The following ACAN variants were observed in gnomAD, a reference collection of about 807,000 sequenced individuals.
ACAN encodes aggrecan.
A neutral mutation model predicts 169.1 loss-of-function variants in ACAN; 47 were observed. That is an observed-to-expected ratio of 0.28 (90% confidence interval 0.22 to 0.35). The LOEUF (loss-of-function observed/expected upper bound fraction) is 0.35, where lower values mean the gene tolerates loss of function less well. Ranked by LOEUF, ACAN falls within the 10% of genes least tolerant of loss-of-function variation. ACAN has a pLI of 1.00. For missense variants in ACAN, 2,716 were observed against 2,759.9 expected (o/e 0.98, Z 0.36); for synonymous variants, 1,115 against 1,112.2 (o/e 1.00, Z -0.05).
chr15:88,874,514 G>GC lies in ACAN; in HGVS notation c.*36dup. 1 of 1,557,328 alleles carries GC rather than the reference G, an allele frequency of 6.4e-7. No homozygotes were observed. On this transcript the variant is annotated 3_prime_UTR_variant, in exon 19 of 19. Coordinates refer to ENST00000560601, the MANE Select transcript of ACAN (RefSeq NM_001369268.1). The surrounding 1 kb of genome is among the most constrained non-coding windows in gnomAD (Gnocchi z 7.3). ...TTCCAGGACGCACCCAGGACGCTGA[G>GC]CCCAGGAGCCTGCCAGGCTGACGTG...
chr15:88,840,131 T>C lies in ACAN; in HGVS notation c.574T>C (p.Tyr192His). ...CACGCCTGAGCAGCTGCAGGCCGCCTACGAAGACGGCTTCCACCAGTGTGA... is the reference window on the plus strand; with the variant it reads ...CACGCCTGAGCAGCTGCAGGCCGCCCACGAAGACGGCTTCCACCAGTGTGA... Reference protein sequence around the residue: ...IATPEQLQAAYEDGFHQCDAG... With the variant: ...IATPEQLQAAHEDGFHQCDAG... The change falls in exon 4 of 19, where the codon TAC becomes CAC. Residue 192 changes from tyrosine (Y) to histidine (H), a missense_variant. Physicochemically the swap from Tyr to His is moderately conservative, Grantham distance 83. Coordinates refer to ENST00000560601, the MANE Select transcript of ACAN (RefSeq NM_001369268.1). The C allele has an allele frequency of 6.2e-7, 1 of 1,606,032 alleles. No individual in the cohort carries two copies.
At chr15:88,833,971 G>C (rs752776946) in intron 1 of ACAN, among the ~76,000 whole-genome samples, 5 of 152,186 alleles carry the variant, frequency 3.3e-5, no homozygotes, top group Non-Finnish European at 7.3e-5. Context: ...GCTCTGGGAA[G>C]AGAGGAGCCG....
Position 88,841,619 on chromosome 15 carries a change from G to T in ACAN, c.630-121G>T. 7.8e-6 allele frequency: 10 copies of T among 1,288,526 alleles called. No homozygotes were observed. The South Asian group carries it at 1.4e-4, about 18-fold the overall frequency. 79.8% of individuals were successfully genotyped at this position (1,288,526 alleles called of 1,614,324 possible). On this transcript the variant is annotated intron_variant, in intron 4 of 18. Transcript: ENST00000560601. ...ATAGGCAGTTGACATATTCAGAAGA[G>T]ACATTGTCAAATGCAATATTAAGTT...
chr15:88,831,890 A>C (rs1480264251), intron 1 of ACAN, among the ~76,000 whole-genome samples: 1 of 152,218 alleles, frequency 6.6e-6, no homozygotes, highest in Non-Finnish European at 1.5e-5. Context: ...TCCATGGAGG[A>C]ACAGCAGGCA....
chr15:88,817,581 C>T (rs576800953), intron 1 of ACAN, among the ~76,000 whole-genome samples: 53 of 149,550 alleles, frequency 3.5e-4, no homozygotes, highest in South Asian at 3.1e-3. Context: ...TGGCCAGGCA[C>T]GGTGGCTTAT....
In ACAN at chr15:88,849,909, C is replaced by T. The variant is rs758795049; in HGVS notation, c.2026+178C>T. ...GCAGGCTTTGACCCCAAGGCAAGGTCATCCTTCTAAAGTTCCCCAGAGACA... is the reference window on the plus strand; with the variant it reads ...GCAGGCTTTGACCCCAAGGCAAGGTTATCCTTCTAAAGTTCCCCAGAGACA... On this transcript the variant is annotated intron_variant, in intron 10 of 18. Transcript: ENST00000560601. This position sits in a 1 kb window ranked among gnomAD's most constrained non-coding sequence, Gnocchi z 5.1. The T allele has an allele frequency of 6.8e-5, 60 of 888,454 alleles. No homozygotes were observed. The highest frequency in any genetic ancestry group is 7.2e-6 in the Non-Finnish European group (4 of 555,086). 55.0% of individuals were successfully genotyped at this position (888,454 alleles called of 1,614,324 possible). A position where few individuals can be genotyped will look rare whatever the true frequency, so the allele number is the denominator to read the frequency against.
At chr15:88,823,282 C>T (rs1352858995) in intron 1 of ACAN, among the ~76,000 whole-genome samples, 1 of 152,202 alleles carries the variant, frequency 6.6e-6, no homozygotes, top group Non-Finnish European at 1.5e-5. Context: ...TACTCCTTTC[C>T]AAAAACTCAG....
At chr15:88,811,126 C>T (rs866705147) in intron 1 of ACAN, among the ~76,000 whole-genome samples, 3 of 152,316 alleles carry the variant, frequency 2.0e-5, no homozygotes, top group South Asian at 4.1e-4. Flanking sequence ...AGGCCAGCAA[C>T]AGGCTTTGTA....
At chr15:88,822,089 C>T (rs1310510288) in intron 1 of ACAN, among the ~76,000 whole-genome samples, 1 of 152,222 alleles carries the variant, frequency 6.6e-6, no homozygotes, top group Non-Finnish European at 1.5e-5. Flanking sequence ...AGGGGTTATA[C>T]TGCGGTGTGG....
chr15:88,847,643 C>T (rs536574507), intron 8 of ACAN, among the ~76,000 whole-genome samples: 1 of 152,332 alleles, frequency 6.6e-6, no homozygotes, highest in Admixed American at 6.5e-5. Context: ...GCCCCCTCCT[C>T]AAGTGCCCCG....
At position 88,843,271 on chromosome 15, in the gene ACAN, G is replaced by A. The variant is rs575102382; in HGVS notation, c.758-84G>A. The A allele has an allele frequency of 6.4e-4, 849 of 1,325,134 alleles. No homozygotes were observed. The highest frequency in any genetic ancestry group is 7.6e-4 in the Non-Finnish European group (762 of 996,928). 82.1% of individuals were successfully genotyped at this position (1,325,134 alleles called of 1,614,324 possible). On this transcript the variant is annotated intron_variant, in intron 5 of 18. Transcript: ENST00000560601. The surrounding 1 kb of genome is among the most constrained non-coding windows in gnomAD (Gnocchi z 4.0). ...GAAGTTAAAGGACTCCCAAGACCTC[G>A]TGGAAAAGTGTGGATCTCTCTGGGG...
intron 1 of ACAN, among the ~76,000 whole-genome samples, chr15:88,835,323 C>G (rs979347225): frequency 6.6e-6 from 1 of 152,102 alleles, no homozygotes; most frequent in African/African-American, 2.4e-5. Flanking sequence ...GCCTGAAGGA[C>G]TGTGTTAGTC....
chr15:88,837,998 C>T (rs1896549018), intron 2 of ACAN, among the ~76,000 whole-genome samples: 1 of 149,200 alleles, frequency 6.7e-6, no homozygotes, highest in African/African-American at 2.5e-5. Context: ...CCTCTATTGA[C>T]ACTCTCCATT....
chr15:88,810,528 C>A (rs1227506069), intron 1 of ACAN, among the ~76,000 whole-genome samples: 1 of 152,076 alleles, frequency 6.6e-6, no homozygotes, highest in African/African-American at 2.4e-5. Context: ...TCCATCCCTC[C>A]CCAAGCAGAT....
intron 1 of ACAN, among the ~76,000 whole-genome samples, chr15:88,823,496 C>T (rs1451025909): frequency 6.6e-6 from 1 of 151,920 alleles, no homozygotes; most frequent in African/African-American, 2.4e-5. Flanking sequence ...TTAATCATGC[C>T]CAGTGCTTCT....
At position 88,852,330 on chromosome 15, in the gene ACAN, G is replaced by T. The variant is rs796497811; in HGVS notation, c.2266+297G>T. Among the ~76,000 whole-genome samples the T allele has an allele frequency of 2.6e-5, 4 of 152,272 alleles. No individual in the cohort carries two copies. The South Asian group carries it at 8.3e-4, about 32-fold the overall frequency. ...TGCCCAGGACTGTGCTGATGAGAGG[G>T]CCCTCAGTTACCTTGTCCTCCTGCA... On this transcript the variant is annotated intron_variant, in intron 11 of 18. Coordinates refer to ENST00000560601, the MANE Select transcript of ACAN (RefSeq NM_001369268.1).
At position 88,871,619 on chromosome 15, in the gene ACAN, G is replaced by T; in HGVS notation, c.7219+79G>T. The T allele has an allele frequency of 6.6e-7, 1 of 1,505,078 alleles. No homozygotes were observed. The allele number at this position is 1,505,078 out of a possible 1,614,324, so 93.2% of individuals were successfully genotyped here. A position where few individuals can be genotyped will look rare whatever the true frequency, so the allele number is the denominator to read the frequency against. ...GGGCCTCACCTTTCAGAAGGCAGCA[G>T]ATTTGGGCCTCGTGAGACTGCAGGA... On this transcript the variant is annotated intron_variant, in intron 15 of 18. Transcript: ENST00000560601. The surrounding 1 kb of genome is among the most constrained non-coding windows in gnomAD (Gnocchi z 7.8).
intron 1 of ACAN, among the ~76,000 whole-genome samples, chr15:88,813,890 C>T (rs147380355): frequency 2.4e-4 from 36 of 152,370 alleles, no homozygotes; most frequent in African/African-American, 7.5e-4. Context: ...TGCTTCTGTC[C>T]TCTCCAGCTC....
Position 88,858,341 on chromosome 15 carries a change from C to T in ACAN, c.5756C>T (p.Ser1919Leu), listed in dbSNP as rs200271564. ...GCTGAGATTGGGAGCAGCCTGCCCTCGGGAGCATATTATGGCAGTGGAACT... is the reference window on the plus strand; with the variant it reads ...GCTGAGATTGGGAGCAGCCTGCCCTTGGGAGCATATTATGGCAGTGGAACT... The part of the protein sequence containing the change: ...SRAEIGSSLP[S>L]GAYYGSGTPS... The change falls in exon 12 of 19, where the codon TCG (serine) becomes TTG (leucine). Residue 1919 changes from serine (S) to leucine (L), a missense_variant. Coordinates refer to ENST00000560601, the MANE Select transcript of ACAN (RefSeq NM_001369268.1). The surrounding 1 kb of genome is among the most constrained non-coding windows in gnomAD (Gnocchi z 4.0). 73 of 1,613,950 alleles carry T rather than the reference C, an allele frequency of 4.5e-5. 1 individual carries two copies. The African/African-American group carries it at 5.5e-4, about 12-fold the overall frequency.
Sources: allele counts gnomAD v4.1 joint callset (sites outside exome capture counted in the v4.1 genomes callset), GRCh38; gene constraint gnomAD v4.1.1; non-coding constraint Gnocchi (gnomAD v3.1); transcripts MANE v1.5; gene names NCBI Gene and HGNC (gene_info 2026-07-23, HGNC 2026-07-21).